SHISA9: variants seen among roughly 807,000 people sequenced by gnomAD.
The protein encoded by SHISA9 is shisa family member 9, also known as protein shisa-9.
Under a neutral mutation model 38.0 loss-of-function variants are expected in SHISA9, and 13 were observed. The ratio of observed to expected loss-of-function variants is 0.34; its 90% confidence interval spans 0.22 to 0.54. SHISA9 has a LOEUF of 0.54. SHISA9 is among the 20% of genes least tolerant of loss of function. SHISA9 has a pLI of 0.91. For synonymous variants in SHISA9, 275 were observed against 242.0 expected, an observed-to-expected ratio of 1.14 and a Z score of -1.27; for missense variants, 538 against 575.8, an observed-to-expected ratio of 0.93 and a Z score of 0.67.
chr16:13,176,633 C>T (rs1031038728), intron 2 of SHISA9, among the ~76,000 whole-genome samples: 3 of 152,182 alleles, frequency 2.0e-5, no homozygotes, highest in Non-Finnish European at 4.4e-5. Flanking sequence ...AGGCTTGGCC[C>T]CCTCCTGCTT....
chr16:13,035,889 A>G (rs1038583385), intron 2 of SHISA9, among the ~76,000 whole-genome samples: 5 of 152,202 alleles, frequency 3.3e-5, no homozygotes, highest in Non-Finnish European at 5.9e-5. Flanking sequence ...TATACGGTCA[A>G]TAAGTACATG....
intron 2 of SHISA9, among the ~76,000 whole-genome samples, chr16:13,135,262 C>G (rs2050339203): frequency 1.3e-5 from 2 of 152,206 alleles, no homozygotes; most frequent in Admixed American, 6.5e-5. Flanking sequence ...TTGTAAAGCT[C>G]TATTCAAATA....
At chr16:13,321,400 C>T in the SHISA9 span, among the ~76,000 whole-genome samples, 1 of 152,188 alleles carries the variant, frequency 6.6e-6, no homozygotes, top group African/African-American at 2.4e-5. Flanking sequence ...ATCTTCCTGC[C>T]ATAGGCCTGA....
Position 13,238,028 on chromosome 16 carries a change from T to G in SHISA9, c.*2619T>G, listed in dbSNP as rs990996912. The G allele has an allele frequency of 6.6e-6, 1 of 152,094 alleles. No homozygotes were observed. Among genetic ancestry groups the G allele is most frequent in the African/African-American group, 2.4e-5 (1 of 41,428 alleles). The allele number at this position is 152,094 out of a possible 1,614,324, so 9.4% of individuals were successfully genotyped here. On this transcript the variant is annotated 3_prime_UTR_variant, in exon 5 of 5. Coordinates refer to ENST00000558583, the MANE Select transcript of SHISA9 (RefSeq NM_001145204.3). ...CATAAATAGAAAGCAAACATAAAAA[T>G]AAGTACAAAGGAAACAAGCAGCGAT...
chr16:13,389,998 A>T, the SHISA9 span, among the ~76,000 whole-genome samples: 1 of 152,180 alleles, frequency 6.6e-6, no homozygotes, highest in African/African-American at 2.4e-5. Context: ...GGCTTAAAGG[A>T]GTCTTTGAAG....
At chr16:13,302,834 G>C in the SHISA9 span, among the ~76,000 whole-genome samples, 9 of 152,130 alleles carry the variant, frequency 5.9e-5, no homozygotes, top group Non-Finnish European at 1.2e-4. Flanking sequence ...TCATGGGTGT[G>C]GTTTCCTCCA....
At chr16:13,270,306 T>G in the SHISA9 span, among the ~76,000 whole-genome samples, 2 of 151,518 alleles carry the variant, frequency 1.3e-5, no homozygotes, top group South Asian at 2.1e-4. Flanking sequence ...AGAGCAGGAG[T>G]TGGGGGCGAG....
intron 2 of SHISA9, among the ~76,000 whole-genome samples, chr16:13,001,116 C>T (rs536168317): frequency 3.5e-4 from 53 of 152,276 alleles, no homozygotes; most frequent in South Asian, 8.3e-4. Context: ...TTAGTAGAGA[C>T]GGGGTTTCAC....
At chr16:13,065,926 G>A (rs2073429510) in intron 2 of SHISA9, among the ~76,000 whole-genome samples, 1 of 152,144 alleles carries the variant, frequency 6.6e-6, no homozygotes, top group Non-Finnish European at 1.5e-5. Context: ...TTTATGCCAG[G>A]GTCATTAATA....
At chr16:13,420,564 G>C in the SHISA9 span, among the ~76,000 whole-genome samples, 9 of 152,102 alleles carry the variant, frequency 5.9e-5, no homozygotes, top group African/African-American at 2.2e-4. Context: ...TGGGGGGTAA[G>C]GAAAGGCAAG....
intron 2 of SHISA9, among the ~76,000 whole-genome samples, chr16:13,181,781 T>C (rs755031859): frequency 6.6e-6 from 1 of 151,914 alleles, no homozygotes; most frequent in Admixed American, 6.6e-5. Context: ...AGAAGGGGGA[T>C]AAATTTGAAA....
At chr16:13,242,754 C>G (rs929120809), downstream of SHISA9, among the ~76,000 whole-genome samples, 2 of 152,174 alleles carry the variant, frequency 1.3e-5, no homozygotes, top group African/African-American at 4.8e-5. Flanking sequence ...GAGTATTCTT[C>G]TTCCTGATCA....
intron 2 of SHISA9, among the ~76,000 whole-genome samples, chr16:13,009,381 C>T (rs1159480329): frequency 6.6e-6 from 1 of 152,138 alleles, no homozygotes; most frequent in East Asian, 1.9e-4. Context: ...AGCAAAGGCA[C>T]AGAGATGAGA....
At chr16:13,067,627 C>T (rs928177929) in intron 2 of SHISA9, among the ~76,000 whole-genome samples, 1 of 152,210 alleles carries the variant, frequency 6.6e-6, no homozygotes, top group Non-Finnish European at 1.5e-5. Flanking sequence ...GCCTGGGTGA[C>T]AGAATGAGAC....
chr16:13,498,210 A>G, the SHISA9 span, among the ~76,000 whole-genome samples: 237 of 152,194 alleles, frequency 1.6e-3, 8 homozygotes, highest in East Asian at 0.04. Context: ...AATTGATACC[A>G]AAAAAATCAG....
intron 2 of SHISA9, among the ~76,000 whole-genome samples, chr16:13,087,647 T>C (rs1193169532): frequency 1.3e-5 from 2 of 152,216 alleles, no homozygotes; most frequent in African/African-American, 4.8e-5. Context: ...TCTGTTCATA[T>C]CCTTTGCCCA....
chr16:13,106,071 C>A (rs1404722551), intron 2 of SHISA9, among the ~76,000 whole-genome samples: 1 of 152,104 alleles, frequency 6.6e-6, no homozygotes, highest in Non-Finnish European at 1.5e-5. Flanking sequence ...GATGAGGAAA[C>A]TGAGCCTGAG....
the SHISA9 span, among the ~76,000 whole-genome samples, chr16:13,397,407 G>C: frequency 3.7e-4 from 55 of 146,948 alleles, no homozygotes; most frequent in African/African-American, 1.3e-3. Context: ...ATGTGTTACA[G>C]TGTTTTTGGT....
At chr16:13,412,524 A>G in the SHISA9 span, among the ~76,000 whole-genome samples, 1,289 of 151,940 alleles carry the variant, frequency 8.5e-3, 19 homozygotes, top group African/African-American at 0.029. Context: ...AGACACATAG[A>G]TGAACCTCTT....
Sources: gnomAD v4.1 joint callset for allele counts (sites outside exome capture counted in the v4.1 genomes callset) on GRCh38, gnomAD v4.1.1 for gene constraint, MANE v1.5 for transcripts, NCBI Gene and HGNC (gene_info 2026-07-23, HGNC 2026-07-21) for gene names.